Variants in FRMD5 observed in about 807,000 individuals in gnomAD.
FRMD5 encodes the protein FERM domain containing 5, also known as FERM domain-containing protein 5.
In FRMD5, 20 loss-of-function variants were observed where a neutral mutation model predicts 69.0. The observed-to-expected ratio is 0.29, with a 90% CI of 0.20 to 0.42. The LOEUF is 0.42. Ranked by LOEUF, FRMD5 falls within the 10% of genes least tolerant of loss-of-function variation. The pLI, the probability that FRMD5 is intolerant of heterozygous loss-of-function variation, is 1.00. For synonymous variants in FRMD5, 271 were observed against 260.1 expected, an observed-to-expected ratio of 1.04 and a Z score of -0.40; for missense variants, 595 against 708.6, an observed-to-expected ratio of 0.84 and a Z score of 1.82.
At chr15:44,054,230 A>G (rs138824696) in intron 1 of FRMD5, among the ~76,000 whole-genome samples, 2 of 152,294 alleles carry the variant, frequency 1.3e-5, no homozygotes, top group East Asian at 3.9e-4. Flanking sequence ...ATGTTATTTC[A>G]TTTTCCTAAT....
chr15:43,890,498 G>A (rs1382278303), intron 8 of FRMD5, among the ~76,000 whole-genome samples: 2 of 152,190 alleles, frequency 1.3e-5, no homozygotes, highest in African/African-American at 4.8e-5. Flanking sequence ...TACTCTGGTT[G>A]GAATGTGGAT....
chr15:44,075,988 C>T (rs1228077521), intron 1 of FRMD5, among the ~76,000 whole-genome samples: 1 of 152,122 alleles, frequency 6.6e-6, no homozygotes, highest in Non-Finnish European at 1.5e-5. Context: ...TGTTCGTGTC[C>T]TTCGCCCACT....
rs2076852029 is a variant in FRMD5 at position 44,115,211 on chromosome 15, A to T, written c.102+79742T>A. Among the ~76,000 whole-genome samples, 3 of 152,176 alleles carry T rather than the reference A, an allele frequency of 2.0e-5. No individual in the cohort carries two copies. The South Asian group carries it at 6.2e-4, about 31-fold the overall frequency. ...AACATAAGTCAAATTATATAAATAC[A>T]ACATACTCTTCTCATAAACAGATAC... On this transcript the variant is annotated intron_variant, in intron 1 of 13. Transcript: ENST00000417257.
At chr15:44,182,600 A>G (rs1312064913) in intron 1 of FRMD5, among the ~76,000 whole-genome samples, 1 of 152,128 alleles carries the variant, frequency 6.6e-6, no homozygotes, top group East Asian at 1.9e-4. Context: ...TGCTGGGATT[A>G]CAGGTGTAAG....
chr15:44,051,946 ATGTC>A (rs1566921549), intron 1 of FRMD5, among the ~76,000 whole-genome samples: 1 of 152,014 alleles, frequency 6.6e-6, no homozygotes, highest in African/African-American at 2.4e-5. Flanking sequence ...GGCTAAGGCA[ATGTC>A]TGTCAGAATT....
chr15:44,055,764 C>T (rs898757228), intron 1 of FRMD5, among the ~76,000 whole-genome samples: 3 of 152,178 alleles, frequency 2.0e-5, no homozygotes, highest in Admixed American at 6.5e-5. Context: ...CTGATCTTAA[C>T]TATTGTGTGA....
intron 1 of FRMD5, among the ~76,000 whole-genome samples, chr15:43,933,208 A>AT (rs1297937282): frequency 6.6e-6 from 1 of 152,192 alleles, no homozygotes; most frequent in Non-Finnish European, 1.5e-5. Flanking sequence ...CAAACCCCGA[A>AT]TCTTCCAATA....
At chr15:44,118,895 C>G (rs1046884359) in intron 1 of FRMD5, among the ~76,000 whole-genome samples, 26 of 152,088 alleles carry the variant, frequency 1.7e-4, no homozygotes, top group African/African-American at 6.3e-4. Flanking sequence ...CCCACCTCAG[C>G]CTCCTGAGTA....
At chr15:44,133,576 C>A (rs1380671064) in intron 1 of FRMD5, among the ~76,000 whole-genome samples, 27 of 86,868 alleles carry the variant, frequency 3.1e-4, no homozygotes, top group East Asian at 1.7e-3. Context: ...GAATCTGTCT[C>A]AAAAAAAAAA....
At chr15:43,883,899 C>G in intron 12 of FRMD5, 90 bp from the exon 13 acceptor site, 3 of 909,764 alleles carry the variant, frequency 3.3e-6, no homozygotes, top group Admixed American at 1.8e-5. Flanking sequence ...CTAGAATTGC[C>G]TGGCTATATT....
intron 1 of FRMD5, among the ~76,000 whole-genome samples, chr15:44,178,572 C>A (rs76711771): frequency 6.6e-6 from 1 of 152,056 alleles, no homozygotes; most frequent in Admixed American, 6.5e-5. Flanking sequence ...CCTTGGAATT[C>A]GGGATCAATG....
intron 1 of FRMD5, among the ~76,000 whole-genome samples, chr15:44,171,822 G>A (rs1426899740): frequency 1.3e-5 from 2 of 152,176 alleles, no homozygotes; most frequent in Non-Finnish European, 2.9e-5. Context: ...GGAGCACAGC[G>A]GCGTGATCTA....
At chr15:44,114,179 T>C (rs1214883439) in intron 1 of FRMD5, among the ~76,000 whole-genome samples, 5 of 152,138 alleles carry the variant, frequency 3.3e-5, no homozygotes, top group African/African-American at 9.7e-5. Flanking sequence ...GTAGTATAAA[T>C]GGAGTTTTTA....
At chr15:44,031,181 G>A (rs1317763030) in intron 1 of FRMD5, among the ~76,000 whole-genome samples, 1 of 152,042 alleles carries the variant, frequency 6.6e-6, no homozygotes, top group Non-Finnish European at 1.5e-5. Context: ...GAATAGTGGT[G>A]TAGATGAAGG....
chr15:43,986,320 A>G (rs1256964559), intron 1 of FRMD5, among the ~76,000 whole-genome samples: 1 of 152,158 alleles, frequency 6.6e-6, no homozygotes, highest in Non-Finnish European at 1.5e-5. Flanking sequence ...AACGAAGATG[A>G]AAATGCAGCA....
intron 1 of FRMD5, among the ~76,000 whole-genome samples, chr15:44,075,334 A>C (rs1033144286): frequency 2.0e-5 from 3 of 152,120 alleles, no homozygotes; most frequent in African/African-American, 7.2e-5. Flanking sequence ...ATTTTGAAGG[A>C]AAATGAATAA....
rs574194924 is a variant in FRMD5, at chr15:44,167,305, T to C, written c.102+27648A>G. Among the ~76,000 whole-genome samples the C allele has an allele frequency of 1.9e-3, 287 of 151,552 alleles. 2 individuals are homozygous for C. Among genetic ancestry groups the C allele is most frequent in the African/African-American group, 6.7e-3 (276 of 41,298 alleles). ...ATCATGTGAGCCTGGGAAGTGGAGG[T>C]TGCAGTGAGCCAAGATCGCATCACT... On this transcript the variant is annotated intron_variant, in intron 1 of 13. Coordinates refer to ENST00000417257, the MANE Select transcript of FRMD5 (RefSeq NM_032892.5).
intron 13 of FRMD5, chr15:43,875,989 T>C: frequency 7.1e-7 from 1 of 1,401,710 alleles, no homozygotes; most frequent in Non-Finnish European, 1.0e-6. Context: ...GACCCTCTGG[T>C]CATCCAACCC....
chr15:44,185,952 G>A (rs928855056), intron 1 of FRMD5, among the ~76,000 whole-genome samples: 4 of 151,968 alleles, frequency 2.6e-5, no homozygotes, highest in Admixed American at 6.6e-5. Flanking sequence ...TTGAGACAGA[G>A]TTTCTCTCTT....
Sources: gnomAD v4.1 joint callset for allele counts (sites outside exome capture counted in the v4.1 genomes callset) on GRCh38, gnomAD v4.1.1 for gene constraint, MANE v1.5 for transcripts, NCBI Gene and HGNC (gene_info 2026-07-23, HGNC 2026-07-21) for gene names.